The following RBFOX1 variants were observed in gnomAD, a reference collection of about 807,000 sequenced individuals.
RBFOX1 encodes the protein RNA binding fox-1 homolog 1.
A neutral mutation model predicts 57.7 loss-of-function variants in RBFOX1; 8 were observed. The observed-to-expected ratio is 0.14, with a 90% CI of 0.08 to 0.25. RBFOX1 has a LOEUF of 0.25. Ranked by LOEUF, RBFOX1 falls within the 10% of genes least tolerant of loss-of-function variation. The probability of loss-of-function intolerance (pLI) is 1.00; values close to 1 mark genes in which losing one functional copy is unlikely to be tolerated. For synonymous variants in RBFOX1, 326 were observed against 222.4 expected (o/e 1.47, Z -4.15); for missense variants, 611 against 548.5 (o/e 1.11, Z -1.14).
At position 7,216,354 on chromosome 16, in the gene RBFOX1, A is replaced by G. The variant is rs553213000; in HGVS notation, c.27+164256A>G. On this transcript the variant is annotated intron_variant, in intron 4 of 15. Transcript: ENST00000550418. ...TTTTTTTCTTCCGTAAAATGGGAAT[A>G]ATAATGGCATCTACCCTAGACCGGG... Among the ~76,000 whole-genome samples the G allele has an allele frequency of 1.4e-4, 22 of 152,242 alleles. No homozygotes were observed. In the South Asian group the frequency reaches 4.1e-3, roughly 29 times the overall value.
intron 12 of RBFOX1, among the ~76,000 whole-genome samples, chr16:7,661,921 G>A (rs1302212725): frequency 6.6e-6 from 1 of 152,184 alleles, no homozygotes. Context: ...AGACTCCTAA[G>A]AGCAAACATC....
At chr16:5,786,134 T>C (rs1169225027) in intron 3 of RBFOX1, among the ~76,000 whole-genome samples, 2 of 152,212 alleles carry the variant, frequency 1.3e-5, no homozygotes, top group African/African-American at 4.8e-5. Flanking sequence ...ACTTTGCTTA[T>C]ATTGCTCCAC....
intron 1 of RBFOX1, among the ~76,000 whole-genome samples, chr16:5,286,429 A>C (rs1478314144): frequency 6.6e-6 from 1 of 152,212 alleles, no homozygotes; most frequent in Non-Finnish European, 1.5e-5. Flanking sequence ...TGTGAGCACT[A>C]GCTCTGGAGG....
intron 4 of RBFOX1, among the ~76,000 whole-genome samples, chr16:7,268,548 C>G (rs1331912495): frequency 6.6e-6 from 1 of 152,200 alleles, no homozygotes; most frequent in East Asian, 1.9e-4. Flanking sequence ...TGCCAATTGA[C>G]TTGCTCTTTG....
intron 3 of RBFOX1, among the ~76,000 whole-genome samples, chr16:6,970,178 G>T (rs1277003049): frequency 6.7e-6 from 1 of 148,980 alleles, no homozygotes; most frequent in Non-Finnish European, 1.5e-5. Context: ...ACTCTGGGGG[G>T]AAAAAAATAA....
chr16:6,526,857 A>AAAAAAAAAC (rs1567560941), intron 2 of RBFOX1, among the ~76,000 whole-genome samples: 23 of 130,412 alleles, frequency 1.8e-4, no homozygotes, highest in African/African-American at 8.0e-4. Flanking sequence ...AAAAAAAAAA[A>AAAAAAAAAC]AACAACCAGA....
intron 2 of RBFOX1, among the ~76,000 whole-genome samples, chr16:6,488,520 T>G (rs1448039128): frequency 1.3e-5 from 2 of 152,198 alleles, no homozygotes; most frequent in Non-Finnish European, 2.9e-5. Context: ...GGTATTACCA[T>G]GCCTAATTTA....
At chr16:6,591,341 C>G (rs1316768113) in intron 2 of RBFOX1, among the ~76,000 whole-genome samples, 1 of 152,052 alleles carries the variant, frequency 6.6e-6, no homozygotes, top group Non-Finnish European at 1.5e-5. Context: ...GTAGTCCCAG[C>G]TACTTGGGAG....
At chr16:6,098,534 G>C (rs1289879961) in intron 1 of RBFOX1, among the ~76,000 whole-genome samples, 10 of 152,222 alleles carry the variant, frequency 6.6e-5, no homozygotes, top group Non-Finnish European at 1.5e-4. Context: ...ATAATTCTAA[G>C]TCAAGAGCAA....
chr16:6,116,085 C>T (rs113225846), intron 1 of RBFOX1, among the ~76,000 whole-genome samples: 2 of 152,122 alleles, frequency 1.3e-5, no homozygotes, highest in South Asian at 2.1e-4. Context: ...GAATGCTATG[C>T]AGCCATAAAA....
intron 3 of RBFOX1, among the ~76,000 whole-genome samples, chr16:6,841,154 T>C (rs1489027898): frequency 6.6e-6 from 1 of 152,178 alleles, no homozygotes; most frequent in African/African-American, 2.4e-5. Context: ...TATTAGCCTA[T>C]GGCATTTTGC....
chr16:6,550,993 A>G (rs780174936), intron 2 of RBFOX1, among the ~76,000 whole-genome samples: 1 of 152,104 alleles, frequency 6.6e-6, no homozygotes, highest in African/African-American at 2.4e-5. Flanking sequence ...AGTTTGGAGG[A>G]GCACAGGAGA....
chr16:6,819,202 T>A (rs1257117281), intron 3 of RBFOX1, among the ~76,000 whole-genome samples: 2 of 152,194 alleles, frequency 1.3e-5, no homozygotes, highest in East Asian at 3.8e-4. Context: ...TCTGTTTATT[T>A]CCGTATAGAA....
At chr16:5,835,715 GT>G (rs2056435131) in intron 3 of RBFOX1, among the ~76,000 whole-genome samples, 1 of 152,216 alleles carries the variant, frequency 6.6e-6, no homozygotes, top group Non-Finnish European at 1.5e-5. Context: ...CATAAAATGT[GT>G]TTCCTGTCTC....
In RBFOX1 at chr16:5,897,260, C is replaced by T. The variant is rs550948816; in HGVS notation, c.351+29925C>T. Among the ~76,000 whole-genome samples the T allele has an allele frequency of 2.8e-4, 43 of 151,946 alleles. 1 individual carries two copies. Among genetic ancestry groups the T allele is most frequent in the African/African-American group, 1.0e-3 (42 of 41,438 alleles). Reference sequence around the variant, plus strand: ...CCTTGTTAGCCAGGATGGTCTCGATCTCCTGACCTCATGATCCACCCGCCT... The same window carrying T: ...CCTTGTTAGCCAGGATGGTCTCGATTTCCTGACCTCATGATCCACCCGCCT... On this transcript the variant is annotated intron_variant, in intron 4 of 19. Coordinates refer to the RBFOX1 transcript ENST00000641259.
At chr16:5,872,577 GA>G (rs963368734) in intron 4 of RBFOX1, among the ~76,000 whole-genome samples, 19 of 148,944 alleles carry the variant, frequency 1.3e-4, no homozygotes, top group African/African-American at 3.4e-4. Context: ...TCTACAGAAA[GA>G]AAAAAAAAAT....
At chr16:7,529,268 A>G (rs1461629733) in intron 5 of RBFOX1, among the ~76,000 whole-genome samples, 3 of 152,308 alleles carry the variant, frequency 2.0e-5, no homozygotes, top group Middle Eastern at 3.4e-3. Flanking sequence ...CTCAAAAACA[A>G]CAACAACAAG....
At chr16:7,088,297 C>A (rs1246912558) in intron 4 of RBFOX1, among the ~76,000 whole-genome samples, 6 of 152,248 alleles carry the variant, frequency 3.9e-5, no homozygotes, top group Non-Finnish European at 5.9e-5. Flanking sequence ...ATGAACTGCT[C>A]TGAGTAGTGA....
At chr16:7,217,456 G>A (rs1277898548) in intron 4 of RBFOX1, among the ~76,000 whole-genome samples, 1 of 151,726 alleles carries the variant, frequency 6.6e-6, no homozygotes, top group East Asian at 2.0e-4. Context: ...ATTTATGAGC[G>A]AAAGCAACCA....
Sources: gnomAD v4.1 joint callset for allele counts (sites outside exome capture counted in the v4.1 genomes callset) on GRCh38, gnomAD v4.1.1 for gene constraint, MANE v1.5 for transcripts, NCBI Gene and HGNC (gene_info 2026-07-23, HGNC 2026-07-21) for gene names.